The following COCH variants were observed in gnomAD, a reference collection of about 807,000 sequenced individuals.
The protein encoded by COCH is coagulation factor C homolog, cochlin (Limulus polyphemus).
A neutral mutation model predicts 54.8 loss-of-function variants in COCH; 40 were observed. That is an observed-to-expected ratio of 0.73 (90% CI 0.57 to 0.95). COCH has a LOEUF of 0.95. COCH is among the 40% of genes least tolerant of loss of function. COCH has a pLI of 0.00. For missense variants in COCH, 605 were observed against 675.0 expected (o/e 0.90, Z 1.15); for synonymous variants, 256 against 237.9 (o/e 1.08, Z -0.70).
intron 1 of COCH, 60 bp from the exon 2 acceptor site, chr14:30,874,856 G>A: frequency 1.3e-6 from 2 of 1,505,542 alleles, no homozygotes; most frequent in Non-Finnish European, 9.2e-7. Context: ...GGGGCTCTGA[G>A]GAGGTGACGC....
chr14:30,874,668 CCTGT>C (rs991394302), intron 1 of COCH, 77 bp downstream of exon 1: 48 of 589,884 alleles, frequency 8.1e-5, no homozygotes, highest in Non-Finnish European at 1.3e-4. Flanking sequence ...TCGCTCCCAG[CCTGT>C]CTGTCGTCGT....
chr14:30,880,876 CCAT>C, intron 8 of COCH, 142 bp downstream of exon 8: 1 of 704,122 alleles, frequency 1.4e-6, no homozygotes, highest in Non-Finnish European at 2.5e-6. Flanking sequence ...ATTAGCATAT[CCAT>C]CACCTCAAAC....
In COCH at chr14:30,889,965, AT is replaced by A. The variant is rs575558071; in HGVS notation, c.*177del. 301 of 1,376,554 alleles carry A rather than the reference AT, an allele frequency of 2.2e-4. No individual in the cohort carries two copies. The African/African-American group carries it at 2.7e-3, about 12-fold the overall frequency. 85.3% of individuals were successfully genotyped at this position (1,376,554 alleles called of 1,614,324 possible). A position where few individuals can be genotyped will look rare whatever the true frequency, so the allele number is the denominator to read the frequency against. ...TTAAAGCCGCTGCCTTCTGGTTACA[AT>A]TTACAGTGTACTTTGTTAAAAACAC... is the stretch of plus-strand genomic sequence containing the variant. On this transcript the variant is annotated 3_prime_UTR_variant, in exon 12 of 12. Transcript: ENST00000396618.
rs1485276973 is a variant in COCH at position 30,877,319 on chromosome 14, A to G, written c.83-253A>G. On this transcript the variant is annotated intron_variant, in intron 3 of 11. Coordinates refer to ENST00000396618, the MANE Select transcript of COCH (RefSeq NM_004086.3). The surrounding 1 kb of genome is among the most constrained non-coding windows in gnomAD (Gnocchi z 8.6). The stretch of plus-strand genomic sequence containing the variant: ...GGCAACTTGGCGAGTCCCCATTTCA[A>G]AAACAAAAACGAAATAAAAACCCAG... The G allele has an allele frequency of 8.8e-6, 4 of 453,044 alleles. No individual in the cohort carries two copies. Among genetic ancestry groups the G allele is most frequent in the Non-Finnish European group, 1.6e-5 (4 of 251,084 alleles). 28.1% of individuals were successfully genotyped at this position (453,044 alleles called of 1,614,324 possible).
intron 11 of COCH, 157 bp from the exon 12 acceptor site, chr14:30,889,459 C>G: frequency 1.5e-6 from 1 of 673,316 alleles, no homozygotes; most frequent in South Asian, 1.8e-5. Context: ...GTCACAATGA[C>G]TGTGAAAACT....
Position 30,890,179 on chromosome 14 carries a change from A to G in COCH, c.*388A>G. On this transcript the variant is annotated 3_prime_UTR_variant, in exon 12 of 12. Transcript: ENST00000396618. Reference sequence around the variant, plus strand: ...CTAACCATTCTGTATTGATTATATAAGCAAAATGAAAAGAGAAACTTAAAT... The same window carrying G: ...CTAACCATTCTGTATTGATTATATAGGCAAAATGAAAAGAGAAACTTAAAT... The G allele has an allele frequency of 2.0e-6, 2 of 991,684 alleles. No homozygotes were observed. The highest frequency in any genetic ancestry group is 2.4e-6 in the Non-Finnish European group (2 of 833,442). 61.4% of individuals were successfully genotyped at this position (991,684 alleles called of 1,614,324 possible). A position where few individuals can be genotyped will look rare whatever the true frequency, so the allele number is the denominator to read the frequency against.
downstream of COCH, chr14:30,890,637 C>A (rs964647837): frequency 2.2e-6 from 2 of 927,162 alleles, no homozygotes; most frequent in Non-Finnish European, 1.3e-6. Flanking sequence ...ACTTTTATTA[C>A]TGCTAGTGTC....
chr14:30,894,887 CTT>C (rs1359835504), downstream of COCH: 2 of 765,416 alleles, frequency 2.6e-6, no homozygotes, highest in South Asian at 2.2e-5. Flanking sequence ...GTTAAATTTT[CTT>C]TTTCTTTTTT....
intron 9 of COCH, chr14:30,884,955 A>G (rs749030912): frequency 9.4e-6 from 15 of 1,598,320 alleles, no homozygotes; most frequent in Non-Finnish European, 1.3e-5. Flanking sequence ...AAAAGAAGTG[A>G]AAATCAACAG....
chr14:30,882,893 AAAAC>A (rs2138863919), intron 8 of COCH, among the ~76,000 whole-genome samples: 1 of 152,364 alleles, frequency 6.6e-6, no homozygotes, highest in Admixed American at 6.5e-5. Context: ...CATCTCTAAA[AAAAC>A]AAATAAATAG....
At position 30,884,576 on chromosome 14, in the gene COCH, A is replaced by T; in HGVS notation, c.653A>T (p.Tyr218Phe). 1 of 1,613,306 alleles carries T rather than the reference A, an allele frequency of 6.2e-7. No individual in the cohort carries two copies. Among genetic ancestry groups the T allele is most frequent in the Non-Finnish European group, 8.5e-7 (1 of 1,179,358 alleles). Residue 218 changes from tyrosine to phenylalanine, a missense_variant, in exon 9 of 12, where the codon TAC becomes TTC. Transcript: ENST00000396618. The stretch of plus-strand genomic sequence containing the variant: ...AGTGAACATCCCAAAATAGAATTTT[A>T]CTTGAAAAACTTTACATCAGCCAAA... ...QASEHPKIEF[Y>F]LKNFTSAKDV...
At chr14:30,879,055 T>A in intron 5 of COCH, 111 bp downstream of exon 5, 2 of 1,465,500 alleles carry the variant, frequency 1.4e-6, no homozygotes, top group Non-Finnish European at 1.9e-6. Flanking sequence ...TGATCAAGAC[T>A]AAAGCTGACC....
chr14:30,875,051 C>G lies in COCH; in HGVS notation c.35-5C>G. 1 of 1,611,200 alleles carries G rather than the reference C, an allele frequency of 6.2e-7. No individual in the cohort carries two copies. Among genetic ancestry groups the G allele is most frequent in the Non-Finnish European group, 8.5e-7 (1 of 1,179,204 alleles). On this transcript the variant is annotated splice_polypyrimidine_tract_variant and splice_region_variant and intron_variant, in intron 2 of 11. Transcript: ENST00000396618. ...GAGCCAGCCCTCACGCTTCTCTCTT[C>G]GCAGGTGTGTGTCTGCTGCTGCTGC...
Position 30,890,158 on chromosome 14 carries a change from C to G in COCH, c.*367C>G, listed in dbSNP as rs1365392122. 1 of 1,008,946 alleles carries G rather than the reference C, an allele frequency of 9.9e-7. No homozygotes were observed. The highest frequency in any genetic ancestry group is 1.2e-6 in the Non-Finnish European group (1 of 843,440). The allele number at this position is 1,008,946 out of a possible 1,614,324, so 62.5% of individuals were successfully genotyped here. A position where few individuals can be genotyped will look rare whatever the true frequency, so the allele number is the denominator to read the frequency against. The stretch of plus-strand genomic sequence containing the variant: ...ACCAAAAGCAACATTCGTTCTCTAA[C>G]CATTCTGTATTGATTATATAAGCAA... On this transcript the variant is annotated 3_prime_UTR_variant, in exon 12 of 12. Coordinates refer to ENST00000396618, the MANE Select transcript of COCH (RefSeq NM_004086.3).
chr14:30,882,120 G>GTTTTTGTTTT (rs1895618369), intron 8 of COCH, among the ~76,000 whole-genome samples: 1 of 67,894 alleles, frequency 1.5e-5, no homozygotes, highest in African/African-American at 6.6e-5. Flanking sequence ...CTATAAAATG[G>GTTTTTGTTTT]TTTTTTTTTT....
downstream of COCH, among the ~76,000 whole-genome samples, chr14:30,892,577 G>A (rs1432352103): frequency 6.6e-6 from 1 of 152,148 alleles, no homozygotes; most frequent in African/African-American, 2.4e-5. Flanking sequence ...GCCGAGGCGG[G>A]TGGATCACCT....
At chr14:30,879,130 T>C (rs1895480331) in intron 5 of COCH, among the ~76,000 whole-genome samples, 186 bp downstream of exon 5, 1 of 152,158 alleles carries the variant, frequency 6.6e-6, no homozygotes, top group Non-Finnish European at 1.5e-5. Context: ...TTTGGGTGAA[T>C]AGAAGACAAT....
In COCH at chr14:30,886,289, C is replaced by G; in HGVS notation, c.1454C>G (p.Pro485Arg). ...DGQSYDDVQG[P>R]AAAAHDAGIT... ...CAGTCCTATGATGATGTCCAAGGCC[C>G]TGCAGCTGCTGCACATGATGCAGGT... is the stretch of plus-strand genomic sequence containing the variant. The change falls in exon 11 of 12, where the codon CCT becomes CGT. Residue 485 changes from proline (P) to arginine (R), a missense_variant. Coordinates refer to ENST00000396618, the MANE Select transcript of COCH (RefSeq NM_004086.3). 1 of 1,614,156 alleles carries G rather than the reference C, an allele frequency of 6.2e-7. No homozygotes were observed. The highest frequency in any genetic ancestry group is 8.5e-7 in the Non-Finnish European group (1 of 1,180,020).
chr14:30,891,806 A>G (rs1481248626), downstream of COCH, among the ~76,000 whole-genome samples: 1 of 152,264 alleles, frequency 6.6e-6, no homozygotes, highest in African/African-American at 2.4e-5. Context: ...AATAGCAGCA[A>G]GACAGCAGAA....
Sources: gnomAD v4.1 joint callset for allele counts (sites outside exome capture counted in the v4.1 genomes callset) on GRCh38, gnomAD v4.1.1 for gene constraint, Gnocchi (gnomAD v3.1) non-coding constraint, MANE v1.5 for transcripts, NCBI Gene and HGNC (gene_info 2026-07-23, HGNC 2026-07-21) for gene names.